MTHFD1L: variants seen among roughly 807,000 people sequenced by gnomAD.
The protein encoded by MTHFD1L is methylenetetrahydrofolate dehydrogenase (NADP+ dependent) 1 like.
A neutral mutation model predicts 119.5 loss-of-function variants in MTHFD1L; 81 were observed. That is an observed-to-expected ratio of 0.68 (90% CI 0.57 to 0.82). The LOEUF (loss-of-function observed/expected upper bound fraction) is 0.82. MTHFD1L is among the 40% of genes least tolerant of loss of function. The pLI, the probability that MTHFD1L is intolerant of heterozygous loss-of-function variation, is 0.00. For missense variants in MTHFD1L, 1,125 were observed against 1,253.4 expected, an observed-to-expected ratio of 0.90 and a Z score of 1.55; for synonymous variants, 430 against 475.2, an observed-to-expected ratio of 0.90 and a Z score of 1.24.
At chr6:151,022,287 G>A (rs1309271660) in intron 24 of MTHFD1L, 1 of 309,882 alleles carries the variant, frequency 3.2e-6, no homozygotes, top group East Asian at 7.9e-5. Flanking sequence ...AGTTGTTGGT[G>A]GGGTGTGAGA....
chr6:150,880,421 C>T (rs1318956003), intron 4 of MTHFD1L, among the ~76,000 whole-genome samples: 2 of 152,194 alleles, frequency 1.3e-5, no homozygotes, highest in Admixed American at 1.3e-4. Flanking sequence ...TCCATGTTGC[C>T]ACAAATGACA....
chr6:151,021,351 C>T (rs1783919983), intron 24 of MTHFD1L, among the ~76,000 whole-genome samples: 1 of 152,084 alleles, frequency 6.6e-6, no homozygotes, highest in Non-Finnish European at 1.5e-5. Context: ...AGTTCGAGAC[C>T]AGCCTGGGAA....
At chr6:151,075,598 T>C (rs1792414724) in intron 26 of MTHFD1L, among the ~76,000 whole-genome samples, 1 of 152,168 alleles carries the variant, frequency 6.6e-6, no homozygotes, top group Non-Finnish European at 1.5e-5. Context: ...TCAATAAGGA[T>C]TTAGAAGACT....
intron 20 of MTHFD1L, among the ~76,000 whole-genome samples, chr6:151,005,483 A>G (rs1020321936): frequency 6.6e-6 from 1 of 152,082 alleles, no homozygotes; most frequent in Admixed American, 6.6e-5. Flanking sequence ...TTTCCTTTGC[A>G]TTTGGAAGCC....
At chr6:150,867,809 T>C (rs977662167) in intron 1 of MTHFD1L, among the ~76,000 whole-genome samples, 1 of 149,250 alleles carries the variant, frequency 6.7e-6, no homozygotes, top group African/African-American at 2.5e-5. Flanking sequence ...TTTTTTTTTT[T>C]TTTTTTGAGA....
Position 150,926,182 on chromosome 6 carries a change from T to G in MTHFD1L, c.1143T>G (p.Ile381Met), listed in dbSNP as rs1419656655. The change falls in exon 11 of 28, where the codon ATT becomes ATG. Residue 381 changes from isoleucine (I) to methionine (M), a missense_variant. Ile to Met is a conservative substitution (Grantham distance 10, BLOSUM62 1). Coordinates refer to ENST00000367321, the MANE Select transcript of MTHFD1L (RefSeq NM_015440.5). This position sits in a 1 kb window ranked among gnomAD's most constrained non-coding sequence, Gnocchi z 4.3. ...PKAVDVLAKE[I>M]GLLADEIEIY... ...CTGTGGATGTCCTTGCCAAGGAGATTGGATTGCTTGCAGATGAAATTGAAA... is the reference window on the plus strand; with the variant it reads ...CTGTGGATGTCCTTGCCAAGGAGATGGGATTGCTTGCAGATGAAATTGAAA... 1.2e-6 allele frequency: 2 copies of G among 1,614,090 alleles called. No homozygotes were observed. Among genetic ancestry groups the G allele is most frequent in the Non-Finnish European group, 1.7e-6 (2 of 1,180,006 alleles).
chr6:150,866,628 C>T (rs374235677), intron 1 of MTHFD1L: 1 of 1,210,066 alleles, frequency 8.3e-7, no homozygotes, highest in Middle Eastern at 3.2e-4. Flanking sequence ...TTTCCCGGAA[C>T]GGCAAAGGTG....
intron 8 of MTHFD1L, among the ~76,000 whole-genome samples, chr6:150,915,819 G>A (rs1187991409): frequency 6.6e-6 from 1 of 152,118 alleles, no homozygotes; most frequent in Non-Finnish European, 1.5e-5. Context: ...GGCCAGGCTG[G>A]TCTTGAACTC....
intron 1 of MTHFD1L, among the ~76,000 whole-genome samples, chr6:150,871,140 A>G (rs1779416280): frequency 6.9e-6 from 1 of 145,610 alleles, no homozygotes; most frequent in South Asian, 2.1e-4. Context: ...TAATATATAT[A>G]TATAAGGTAA....
At chr6:150,898,867 C>G (rs1784685307) in intron 7 of MTHFD1L, 1 of 395,202 alleles carries the variant, frequency 2.5e-6, no homozygotes, top group Non-Finnish European at 4.5e-6. Context: ...CAGACGGAGT[C>G]TCGTTCTGTC....
chr6:151,025,983 T>C (rs538314282), intron 24 of MTHFD1L, among the ~76,000 whole-genome samples: 5 of 152,372 alleles, frequency 3.3e-5, no homozygotes, highest in African/African-American at 1.2e-4. Flanking sequence ...TTTCTAACAG[T>C]TCATTTTTAA....
intron 11 of MTHFD1L, chr6:150,934,886 A>T: frequency 4.7e-6 from 7 of 1,489,398 alleles, no homozygotes; most frequent in Non-Finnish European, 6.3e-6. Context: ...GAGCAGTCTT[A>T]TAGCTGGATC....
At chr6:150,944,853 T>A (rs1793673932) in intron 14 of MTHFD1L, among the ~76,000 whole-genome samples, 1 of 152,190 alleles carries the variant, frequency 6.6e-6, no homozygotes, top group African/African-American at 2.4e-5. Flanking sequence ...CTAAGATGAG[T>A]CTTTAGTTTT....
At chr6:151,014,848 G>A (rs1478495862) in intron 22 of MTHFD1L, 32 bp from the exon 23 acceptor site, 3 of 1,577,512 alleles carry the variant, frequency 1.9e-6, no homozygotes, top group African/African-American at 2.7e-5. Context: ...CAATACACAG[G>A]GGTCTGGGTT....
chr6:150,891,674 G>A (rs958305095), intron 7 of MTHFD1L, among the ~76,000 whole-genome samples: 6 of 151,922 alleles, frequency 3.9e-5, no homozygotes, highest in Non-Finnish European at 7.4e-5. Flanking sequence ...TGTGGATATA[G>A]ATGGAAAGGA....
rs138458460 is a variant in MTHFD1L, at chr6:150,919,277, G to A, written c.984+609G>A. Among the ~76,000 whole-genome samples, 240 of 152,108 alleles carry A rather than the reference G, an allele frequency of 1.6e-3. 1 individual carries two copies. Among genetic ancestry groups the A allele is most frequent in the African/African-American group, 5.4e-3 (226 of 41,510 alleles). On this transcript the variant is annotated intron_variant, in intron 9 of 27. Coordinates refer to ENST00000367321, the MANE Select transcript of MTHFD1L (RefSeq NM_015440.5). ...CTCACTTTGTCACCCAGGCTGGAGT[G>A]CAGTGGTGCGATCTTGGCTCACTGC...
intron 26 of MTHFD1L, among the ~76,000 whole-genome samples, chr6:151,049,888 C>T (rs1788750371): frequency 6.6e-6 from 1 of 152,138 alleles, no homozygotes; most frequent in Non-Finnish European, 1.5e-5. Context: ...ACCTTCCCTG[C>T]CCTCCTTGCA....
intron 11 of MTHFD1L, among the ~76,000 whole-genome samples, chr6:150,933,578 A>T (rs11155760): frequency 0.31 from 47,487 of 151,774 alleles, 7,815 homozygotes; most frequent in East Asian, 0.53. Flanking sequence ...AGGTTTCTCC[A>T]TGCAGCGGTG....
At chr6:150,938,235 C>G (rs898135072) in intron 12 of MTHFD1L, among the ~76,000 whole-genome samples, 3 of 152,160 alleles carry the variant, frequency 2.0e-5, no homozygotes, top group African/African-American at 7.2e-5. Context: ...CCAGGCCGGT[C>G]TCGAACTCCT....
Sources: allele counts gnomAD v4.1 joint callset (sites outside exome capture counted in the v4.1 genomes callset), GRCh38; gene constraint gnomAD v4.1.1; non-coding constraint Gnocchi (gnomAD v3.1); transcripts MANE v1.5; gene names NCBI Gene and HGNC (gene_info 2026-07-23, HGNC 2026-07-21).